The following SPECC1 variants were observed in gnomAD, a reference collection of about 807,000 sequenced individuals.
SPECC1 encodes cytospin-B.
In SPECC1, 62 loss-of-function variants were observed where a neutral mutation model predicts 104.1. The ratio of observed to expected loss-of-function variants is 0.60; its 90% confidence interval spans 0.49 to 0.74. The LOEUF is 0.74. Among genes scored for constraint, SPECC1 ranks in the 30% least tolerant of loss-of-function variants. The pLI, the probability that SPECC1 is intolerant of heterozygous loss-of-function variation, is 0.00. For missense variants in SPECC1, 1,306 were observed against 1,310.5 expected (o/e 1.00, Z 0.05); for synonymous variants, 513 against 501.6 (o/e 1.02, Z -0.30).
At chr17:20,222,369 A>T (rs1208438201) in intron 4 of SPECC1, among the ~76,000 whole-genome samples, 1 of 152,186 alleles carries the variant, frequency 6.6e-6, no homozygotes, top group African/African-American at 2.4e-5. Flanking sequence ...TTTGTGGCCT[A>T]ACATGTGGTC....
At chr17:20,138,480 C>G (rs773845158) in intron 3 of SPECC1, among the ~76,000 whole-genome samples, 1 of 152,148 alleles carries the variant, frequency 6.6e-6, no homozygotes, top group African/African-American at 2.4e-5. Context: ...TAATATCACA[C>G]AGAGTAGTTT....
chr17:20,194,525 T>TTTTTTTTTTTTTTTTTTTTTTTTTG (rs2035896918), intron 3 of SPECC1, among the ~76,000 whole-genome samples: 2 of 143,204 alleles, frequency 1.4e-5, no homozygotes, highest in African/African-American at 5.3e-5. Flanking sequence ...TTTTTTTTTT[T>TTTTTTTTTTTTTTTTTTTTTTTTTG]GAGACAGAGT....
chr17:20,034,367 G>A (rs2044968792), intron 1 of SPECC1, among the ~76,000 whole-genome samples: 1 of 151,988 alleles, frequency 6.6e-6, no homozygotes, highest in Non-Finnish European at 1.5e-5. Flanking sequence ...AAAGTGCTGG[G>A]ATTACAGGTG....
intron 4 of SPECC1, among the ~76,000 whole-genome samples, chr17:20,215,304 T>G (rs2037417639): frequency 6.6e-6 from 1 of 152,236 alleles, no homozygotes; most frequent in African/African-American, 2.4e-5. Flanking sequence ...TCTGAATTCT[T>G]GACCATTCTC....
chr17:20,313,937 CCT>C (rs1372824834), intron 14 of SPECC1, 37 bp from the exon 15 acceptor site: 2 of 1,594,874 alleles, frequency 1.3e-6, no homozygotes, highest in Non-Finnish European at 1.7e-6. Context: ...TCTGTGATGT[CCT>C]GCCTTGTGAT....
chr17:20,205,973 C>A, intron 4 of SPECC1, 61 bp downstream of exon 4: 1 of 1,533,690 alleles, frequency 6.5e-7, no homozygotes, highest in African/African-American at 1.4e-5. Context: ...CTGCCCTTAA[C>A]CTCTAAATTC....
chr17:20,079,510 G>A lies in SPECC1; in HGVS notation c.-21-17121G>A, dbSNP rs540852787. Among the ~76,000 whole-genome samples the A allele has an allele frequency of 3.4e-4, 52 of 151,306 alleles. No individual in the cohort carries two copies. In the South Asian group the frequency reaches 9.7e-3, roughly 28 times the overall value. On this transcript the variant is annotated intron_variant, in intron 1 of 14. Coordinates refer to ENST00000395527, the MANE Select transcript of SPECC1 (RefSeq NM_001243439.2). The stretch of plus-strand genomic sequence containing the variant: ...TAGAGGCTTACTACAGGCTGTTCTT[G>A]AACTTGTGGGTTCAAGTGATCCTCC...
rs1409028647 is a variant in SPECC1 at position 20,077,463 on chromosome 17, TTTG to T, written c.-21-19165_-21-19163del. ...AGCTTTTGTGGCTTTTTTTTGTTTG[TTTG>T]TTTTGTTTTTTTGTTTTTGAGATGG... On this transcript the variant is annotated intron_variant, in intron 1 of 14. Transcript: ENST00000395527. 8.2e-3 allele frequency among the ~76,000 whole-genome samples: 1,243 copies of T among 151,284 alleles called. 21 individuals are homozygous for T. Among genetic ancestry groups the T allele is most frequent in the African/African-American group, 0.029 (1,193 of 40,928 alleles).
chr17:20,299,896 C>T (rs2041511063), intron 13 of SPECC1, among the ~76,000 whole-genome samples: 2 of 152,014 alleles, frequency 1.3e-5, no homozygotes, highest in Non-Finnish European at 2.9e-5. Flanking sequence ...ATCTGGGGGT[C>T]GTCCATGAAG....
At chr17:20,030,016 A>T (rs1178392522) in intron 1 of SPECC1, among the ~76,000 whole-genome samples, 1 of 152,130 alleles carries the variant, frequency 6.6e-6, no homozygotes, top group East Asian at 1.9e-4. Context: ...GAGACAAGGG[A>T]GGATTCTTTC....
intron 3 of SPECC1, among the ~76,000 whole-genome samples, chr17:20,178,407 G>T (rs148104473): frequency 8.7e-4 from 132 of 152,204 alleles, no homozygotes; most frequent in Middle Eastern, 6.8e-3. Context: ...ATTTGTGTGG[G>T]TGCCAAGGGC....
At chr17:20,136,953 G>T (rs1407882871) in intron 3 of SPECC1, among the ~76,000 whole-genome samples, 1 of 152,124 alleles carries the variant, frequency 6.6e-6, no homozygotes, top group African/African-American at 2.4e-5. Context: ...TCCCACTAAG[G>T]TTTGAGCTAC....
intron 12 of SPECC1, among the ~76,000 whole-genome samples, chr17:20,285,995 G>A (rs1430103266): frequency 2.0e-5 from 3 of 151,998 alleles, no homozygotes; most frequent in Non-Finnish European, 2.9e-5. Flanking sequence ...TACATTTTTT[G>A]TAGAGACAGG....
rs528159616 is a variant in SPECC1, at chr17:20,163,507, A to T, written c.284-40826A>T. Among the ~76,000 whole-genome samples, 18 of 152,046 alleles carry T rather than the reference A, an allele frequency of 1.2e-4. 1 individual carries two copies. Among genetic ancestry groups the T allele is most frequent in the South Asian group, 8.3e-4 (4 of 4,822 alleles). ...ATAAATTTAATAATTATTCTAATAA[A>T]CTTAGTGATTCTTAAGTCCTCTTAT... On this transcript the variant is annotated intron_variant, in intron 3 of 14. Transcript: ENST00000395527.
intron 7 of SPECC1, chr17:20,236,983 T>TATA: frequency 6.3e-7 from 1 of 1,579,066 alleles, no homozygotes; most frequent in Non-Finnish European, 8.6e-7. Context: ...AAATTGCCTC[T>TATA]TTATAAAGAG....
At chr17:20,238,916 C>G (rs2039065083) in intron 7 of SPECC1, 2 of 1,041,762 alleles carry the variant, frequency 1.9e-6, no homozygotes, top group South Asian at 4.6e-5. Context: ...GTTTTAATCA[C>G]CAGCTACGTT....
chr17:20,158,328 T>C (rs886492360), intron 3 of SPECC1, among the ~76,000 whole-genome samples: 2 of 152,170 alleles, frequency 1.3e-5, no homozygotes, highest in African/African-American at 4.8e-5. Context: ...GTTTTGTCCA[T>C]GGAGAACAGA....
chr17:20,112,055 A>G, intron 3 of SPECC1: 2 of 767,538 alleles, frequency 2.6e-6, no homozygotes, highest in East Asian at 2.4e-5. Context: ...CAGATTCTAA[A>G]CCACCTGAGG....
intron 1 of SPECC1, among the ~76,000 whole-genome samples, chr17:20,030,081 G>A (rs1465388436): frequency 6.6e-6 from 1 of 152,172 alleles, no homozygotes; most frequent in African/African-American, 2.4e-5. Flanking sequence ...CAGGTGTTTA[G>A]CCTCCAGAAC....
Sources: gnomAD v4.1 joint callset for allele counts (sites outside exome capture counted in the v4.1 genomes callset) on GRCh38, gnomAD v4.1.1 for gene constraint, MANE v1.5 for transcripts, NCBI Gene and HGNC (gene_info 2026-07-23, HGNC 2026-07-21) for gene names.